ROBO2: variants seen among roughly 807,000 people sequenced by gnomAD.
The protein encoded by ROBO2 is roundabout guidance receptor 2.
ROBO2 carries 53 observed loss-of-function variants against 160.8 expected under a neutral mutation model. That is an observed-to-expected ratio of 0.33 (90% CI 0.26 to 0.41). The LOEUF is 0.41. ROBO2 is among the 10% of genes least tolerant of loss of function. ROBO2 has a pLI of 1.00. For missense variants in ROBO2, 1,577 were observed against 1,722.4 expected (o/e 0.92, Z 1.49); for synonymous variants, 664 against 611.7 (o/e 1.09, Z -1.26).
At chr3:77,077,724 C>T (rs748105542) in intron 1 of ROBO2, among the ~76,000 whole-genome samples, 25 of 152,320 alleles carry the variant, frequency 1.6e-4, no homozygotes, top group Non-Finnish European at 2.6e-4. Context: ...TTCATATATA[C>T]ACACAGGTAT....
rs905584486 is a variant in ROBO2 at position 77,010,065 on chromosome 3, A to G, written c.110-87949A>G. On this transcript the variant is annotated intron_variant, in intron 2 of 26. Transcript: ENST00000487694. Reference sequence around the variant, plus strand: ...AGAATTCCATTAACTTAATTGCCATAAATAATCTATACAAGCAAAATCAGA... The same window carrying G: ...AGAATTCCATTAACTTAATTGCCATGAATAATCTATACAAGCAAAATCAGA... Among the ~76,000 whole-genome samples the G allele has an allele frequency of 2.0e-5, 3 of 152,152 alleles. No homozygotes were observed. In the East Asian group the frequency reaches 5.8e-4, roughly 29 times the overall value.
chr3:76,693,393 A>G (rs1022143775), intron 2 of ROBO2, among the ~76,000 whole-genome samples: 1 of 151,142 alleles, frequency 6.6e-6, no homozygotes, highest in African/African-American at 2.4e-5. Context: ...CTATATATGT[A>G]TGTGTATGTA....
At chr3:77,156,204 A>G (rs912763280) in intron 2 of ROBO2, among the ~76,000 whole-genome samples, 4 of 152,010 alleles carry the variant, frequency 2.6e-5, no homozygotes, top group African/African-American at 9.7e-5. Flanking sequence ...AGGCACCTTC[A>G]GTATTGCTAT....
At chr3:75,979,491 T>C (rs769652269) in intron 2 of ROBO2, among the ~76,000 whole-genome samples, 2 of 151,420 alleles carry the variant, frequency 1.3e-5, no homozygotes, top group Non-Finnish European at 1.5e-5. Context: ...GTGATTACAT[T>C]GGAAAAATGG....
At chr3:77,307,779 A>T (rs1560497988) in intron 2 of ROBO2, among the ~76,000 whole-genome samples, 2 of 152,140 alleles carry the variant, frequency 1.3e-5, no homozygotes, top group Admixed American at 6.6e-5. Context: ...GCTACTCGGG[A>T]GGCTAAGGCG....
intron 2 of ROBO2, among the ~76,000 whole-genome samples, chr3:76,882,058 C>T (rs1451647606): frequency 6.9e-6 from 1 of 145,584 alleles, no homozygotes; most frequent in Non-Finnish European, 1.5e-5. Flanking sequence ...AGCAGGATCA[C>T]CACTGTGTCT....
Position 76,283,136 on chromosome 3 carries a change from G to GTATA in ROBO2, c.109+345547_109+345550dup, listed in dbSNP as rs547807116. On this transcript the variant is annotated intron_variant, in intron 2 of 26. Transcript: ENST00000487694. ...GTTATATATGTATATATATAAAACT[G>GTATA]TATATATATATATATAAAACTACAT... 1.6e-3 allele frequency among the ~76,000 whole-genome samples: 104 copies of GTATA among 63,532 alleles called. 13 individuals are homozygous for GTATA. Among genetic ancestry groups the GTATA allele is most frequent in the Admixed American group, 6.3e-3 (30 of 4,730 alleles). 41.7% of individuals were successfully genotyped at this position (63,532 alleles called of 152,430 possible). A position where few individuals can be genotyped will look rare whatever the true frequency, so the allele number is the denominator to read the frequency against.
chr3:77,439,861 A>C (rs2153552104), intron 2 of ROBO2, among the ~76,000 whole-genome samples: 1 of 152,238 alleles, frequency 6.6e-6, no homozygotes, highest in South Asian at 2.1e-4. Flanking sequence ...TCTCTTCCAG[A>C]CACCTCATAC....
intron 23 of ROBO2, chr3:77,634,270 T>C (rs2095225298): frequency 6.4e-6 from 1 of 155,544 alleles, no homozygotes. Flanking sequence ...GATTTTAACC[T>C]GCTATCCTCT....
intron 2 of ROBO2, among the ~76,000 whole-genome samples, chr3:77,151,014 C>T (rs9864444): frequency 0.37 from 56,839 of 151,772 alleles, 12,155 homozygotes; most frequent in Middle Eastern, 0.54. Flanking sequence ...GTTTATTTTT[C>T]CAATTAAAAT....
chr3:77,045,920 G>A (rs937809094), intron 1 of ROBO2, among the ~76,000 whole-genome samples: 2 of 152,150 alleles, frequency 1.3e-5, no homozygotes, highest in African/African-American at 4.8e-5. Flanking sequence ...GTTTTTAAGG[G>A]TCATCCGTGT....
intron 2 of ROBO2, among the ~76,000 whole-genome samples, chr3:76,754,363 G>A (rs545746110): frequency 1.4e-4 from 21 of 152,014 alleles, no homozygotes; most frequent in African/African-American, 4.1e-4. Context: ...ATCTGTCAAA[G>A]GTTAACTGCA....
chr3:76,991,766 A>G (rs2060677261), intron 2 of ROBO2, among the ~76,000 whole-genome samples: 1 of 152,200 alleles, frequency 6.6e-6, no homozygotes, highest in Admixed American at 6.5e-5. Flanking sequence ...AAGTGAATAC[A>G]TTGTTAGTGG....
chr3:76,654,099 TG>T (rs1392964598), intron 2 of ROBO2, among the ~76,000 whole-genome samples: 4 of 152,172 alleles, frequency 2.6e-5, no homozygotes, highest in Admixed American at 2.6e-4. Context: ...CTAAGCACTC[TG>T]TCATGCAGGC....
At chr3:76,659,451 C>T (rs2091724562) in intron 2 of ROBO2, among the ~76,000 whole-genome samples, 1 of 151,312 alleles carries the variant, frequency 6.6e-6, no homozygotes, top group South Asian at 2.1e-4. Flanking sequence ...ATTTATTCAT[C>T]TACATGTAAT....
chr3:76,467,653 T>G, intron 2 of ROBO2, among the ~76,000 whole-genome samples: 1 of 152,074 alleles, frequency 6.6e-6, no homozygotes, highest in East Asian at 1.9e-4. Context: ...ATCTAGCTGG[T>G]GTCATTACAA....
chr3:76,675,409 C>T (rs1255142533), intron 2 of ROBO2, among the ~76,000 whole-genome samples: 2 of 145,062 alleles, frequency 1.4e-5, no homozygotes, highest in African/African-American at 5.2e-5. Flanking sequence ...CCTTTGAGAA[C>T]AATGATTTTC....
chr3:77,369,262 G>T (rs2071397836), intron 2 of ROBO2, among the ~76,000 whole-genome samples: 1 of 152,084 alleles, frequency 6.6e-6, no homozygotes, highest in Admixed American at 6.6e-5. Flanking sequence ...GTGCCTTGGG[G>T]GCAAAATTTA....
intron 2 of ROBO2, among the ~76,000 whole-genome samples, chr3:76,037,710 A>G (rs1203966139): frequency 6.6e-6 from 1 of 152,054 alleles, no homozygotes. Flanking sequence ...TCACAGTCAA[A>G]CAGGAGAAAA....
Sources: allele counts gnomAD v4.1 joint callset (sites outside exome capture counted in the v4.1 genomes callset), GRCh38; gene constraint gnomAD v4.1.1; transcripts MANE v1.5; gene names NCBI Gene and HGNC (gene_info 2026-07-23, HGNC 2026-07-21).